PCGF3: variants seen among roughly 807,000 people sequenced by gnomAD.
PCGF3 encodes the protein polycomb group RING finger protein 3.
In PCGF3, 7 loss-of-function variants were observed where a neutral mutation model predicts 33.1. The ratio of observed to expected loss-of-function variants is 0.21; its 90% confidence interval spans 0.12 to 0.40. The LOEUF (loss-of-function observed/expected upper bound fraction) is 0.40. Ranked by LOEUF, PCGF3 falls within the 10% of genes least tolerant of loss-of-function variation. The probability of loss-of-function intolerance (pLI) is 1.00; values close to 1 mark genes in which losing one functional copy is unlikely to be tolerated. For synonymous variants in PCGF3, 153 were observed against 121.3 expected (o/e 1.26, Z -1.72); for missense variants, 211 against 313.3 (o/e 0.67, Z 2.46).
intron 8 of PCGF3, among the ~76,000 whole-genome samples, chr4:750,106 G>A (rs781241093): frequency 6.6e-6 from 1 of 152,252 alleles, no homozygotes. Context: ...TGCCCGCCAA[G>A]TCTTTGTAAG....
At chr4:726,020 G>C (rs1372448168) in intron 1 of PCGF3, among the ~76,000 whole-genome samples, 1 of 152,136 alleles carries the variant, frequency 6.6e-6, no homozygotes, top group Non-Finnish European at 1.5e-5. Context: ...CCCGTCCACC[G>C]TGTGTCCATG....
At chr4:713,527 A>G (rs368121808) in intron 1 of PCGF3, among the ~76,000 whole-genome samples, 4 of 85,498 alleles carry the variant, frequency 4.7e-5, no homozygotes, top group South Asian at 4.7e-4. Context: ...GTGTGGCCTC[A>G]TGGGTCCTGT....
At chr4:764,293 T>C (rs762831100) in intron 9 of PCGF3, among the ~76,000 whole-genome samples, 1 of 152,082 alleles carries the variant, frequency 6.6e-6, no homozygotes, top group Non-Finnish European at 1.5e-5. Flanking sequence ...CTTTAAAAAG[T>C]CTAATTTTTT....
intron 8 of PCGF3, among the ~76,000 whole-genome samples, chr4:747,663 C>G (rs7378489): frequency 0.26 from 11,892 of 46,466 alleles, 1,028 homozygotes; most frequent in South Asian, 0.34. Context: ...GGCGGGGCCC[C>G]GGGGTCGCTG....
Position 765,997 on chromosome 4 carries a change from G to A in PCGF3, c.682-35G>A, listed in dbSNP as rs1351630790. The A allele has an allele frequency of 1.2e-5, 20 of 1,609,538 alleles. No homozygotes were observed. The East Asian group carries it at 3.8e-4, about 31-fold the overall frequency. On this transcript the variant is annotated intron_variant, in intron 10 of 10. Coordinates refer to ENST00000362003, the Ensembl canonical transcript of PCGF3. ...GTAGGTCCTTCTCGCCTCCACCCCT[G>A]CTAAGCAGGCACTGTGCGTTCTTGT...
rs983704794 is a variant in PCGF3 at position 733,398 on chromosome 4, CAGG to C, written c.-9-268_-9-266del. On this transcript the variant is annotated intron_variant, in intron 3 of 10. Transcript: ENST00000362003. ...TATGGACCCTCCTCAGTCCTCACTG[CAGG>C]AGGAGAGGAGGGGGTGTTGGGCACA... Among the ~76,000 whole-genome samples the C allele has an allele frequency of 3.3e-5, 5 of 152,348 alleles. No homozygotes were observed. In the East Asian group the frequency reaches 7.7e-4, roughly 24 times the overall value.
chr4:768,779 T>C (rs180817173), exon 11 of PCGF3: 2 of 152,800 alleles, frequency 1.3e-5, no homozygotes, highest in East Asian at 3.9e-4. Context: ...TCCAGCTTTA[T>C]TTACAGGCAT....
chr4:712,552 T>A (rs993103924), intron 1 of PCGF3, among the ~76,000 whole-genome samples: 7 of 152,264 alleles, frequency 4.6e-5, no homozygotes, highest in African/African-American at 1.7e-4. Flanking sequence ...GTTCAAGTGA[T>A]TCTCCTGCCT....
chr4:744,108 G>A (rs949750015), intron 7 of PCGF3, among the ~76,000 whole-genome samples: 1 of 152,156 alleles, frequency 6.6e-6, no homozygotes. Context: ...TCACCCCCAC[G>A]GCTTTGCGGG....
At chr4:761,992 A>T in intron 9 of PCGF3, 4 of 985,336 alleles carry the variant, frequency 4.1e-6, no homozygotes, top group Non-Finnish European at 4.8e-6. Flanking sequence ...CAGGCTGTGC[A>T]GAAATGGACG....
intron 1 of PCGF3, among the ~76,000 whole-genome samples, chr4:728,314 G>A (rs1389229225): frequency 3.3e-5 from 5 of 152,186 alleles, no homozygotes; most frequent in Non-Finnish European, 5.9e-5. Flanking sequence ...AGTGTTTACA[G>A]CATGTTAAGT....
At chr4:743,376 A>T in intron 6 of PCGF3, 98 bp from the exon 7 acceptor site, 2 of 717,346 alleles carry the variant, frequency 2.8e-6, no homozygotes, top group Non-Finnish European at 4.9e-6. Flanking sequence ...AAACTTCATA[A>T]TGCAAATCCC....
chr4:768,304 C>G (rs549611125), exon 11 of PCGF3: 1 of 152,668 alleles, frequency 6.6e-6, no homozygotes, highest in Non-Finnish European at 1.5e-5. Context: ...TGCCTCTCGT[C>G]TGACCTTGCA....
intron 8 of PCGF3, among the ~76,000 whole-genome samples, chr4:752,553 G>A (rs969345333): frequency 2.6e-5 from 4 of 152,190 alleles, no homozygotes; most frequent in African/African-American, 9.7e-5. Flanking sequence ...GGGACCGGGC[G>A]GGCAAGGGTG....
At chr4:741,652 C>G (rs1201617699) in intron 6 of PCGF3, among the ~76,000 whole-genome samples, 2 of 152,186 alleles carry the variant, frequency 1.3e-5, no homozygotes, top group Non-Finnish European at 2.9e-5. Flanking sequence ...CATGATCCGC[C>G]CGCCTCAGCC....
chr4:734,278 G>C (rs1743742120), intron 4 of PCGF3: 3 of 1,465,338 alleles, frequency 2.0e-6, no homozygotes, highest in Non-Finnish European at 1.8e-6. Flanking sequence ...CCATCCATCA[G>C]GCTGAGGCTC....
intron 1 of PCGF3, among the ~76,000 whole-genome samples, chr4:707,759 T>A (rs1284380859): frequency 7.4e-6 from 1 of 136,048 alleles, no homozygotes; most frequent in East Asian, 2.3e-4. Flanking sequence ...ACAGCTCTGT[T>A]TTCACCTGGG....
At chr4:715,331 A>G (rs1742767696) in intron 1 of PCGF3, among the ~76,000 whole-genome samples, 1 of 137,612 alleles carries the variant, frequency 7.3e-6, no homozygotes, top group Admixed American at 7.3e-5. Flanking sequence ...ACTGAGTGTG[A>G]GAACTGGGCG....
At chr4:754,039 G>T (rs1286802707) in intron 8 of PCGF3, among the ~76,000 whole-genome samples, 1 of 152,170 alleles carries the variant, frequency 6.6e-6, no homozygotes, top group Non-Finnish European at 1.5e-5. Context: ...GGTGGTCCTG[G>T]CACCCACAGA....
Sources: allele counts gnomAD v4.1 joint callset (sites outside exome capture counted in the v4.1 genomes callset), GRCh38; gene constraint gnomAD v4.1.1; transcripts MANE v1.5; gene names NCBI Gene and HGNC (gene_info 2026-07-23, HGNC 2026-07-21).